Variants in SYN2 observed in about 807,000 individuals in gnomAD.
SYN2 encodes synapsin II, also known as synapsin-2.
In SYN2, 19 loss-of-function variants were observed where a neutral mutation model predicts 50.9. The observed-to-expected ratio is 0.37, with a 90% confidence interval of 0.26 to 0.55. SYN2 has a LOEUF of 0.55. SYN2 is among the 20% of genes least tolerant of loss of function. SYN2 has a pLI of 0.81. For synonymous variants in SYN2, 255 were observed against 224.9 expected (o/e 1.13, Z -1.20); for missense variants, 587 against 576.4 (o/e 1.02, Z -0.19).
chr3:12,156,745 C>T, intron 5 of SYN2: 1 of 1,227,786 alleles, frequency 8.1e-7, no homozygotes. Flanking sequence ...CAAGGAAGAC[C>T]CTGGCTCCTT....
chr3:12,121,953 C>T (rs1050605583), intron 1 of SYN2, among the ~76,000 whole-genome samples: 5 of 152,074 alleles, frequency 3.3e-5, no homozygotes, highest in African/African-American at 4.8e-5. Context: ...AGGCAGAATT[C>T]CTTCTTCTCT....
chr3:12,074,161 T>G lies in SYN2; in HGVS notation c.378-66490T>G, dbSNP rs944786588. Among the ~76,000 whole-genome samples, 15 of 152,170 alleles carry G rather than the reference T, an allele frequency of 9.9e-5. No individual in the cohort carries two copies. In the East Asian group the frequency reaches 2.9e-3, roughly 29 times the overall value. On this transcript the variant is annotated intron_variant, in intron 1 of 12. Coordinates refer to ENST00000621198, the MANE Select transcript of SYN2 (RefSeq NM_133625.6). Reference sequence around the variant, plus strand: ...GTTTTATCTATCATATAGTTTTGTCTAATTTTAGCCTGGTACATCTTTTTC... The same window carrying G: ...GTTTTATCTATCATATAGTTTTGTCGAATTTTAGCCTGGTACATCTTTTTC...
chr3:12,157,678 C>T (rs1398012910), intron 5 of SYN2, among the ~76,000 whole-genome samples: 1 of 152,168 alleles, frequency 6.6e-6, no homozygotes, highest in Non-Finnish European at 1.5e-5. Context: ...TTCCAAACCC[C>T]TCAGGCTTAT....
chr3:12,147,663 T>C (rs1697183800), intron 4 of SYN2, among the ~76,000 whole-genome samples: 2 of 152,178 alleles, frequency 1.3e-5, no homozygotes, highest in Non-Finnish European at 2.9e-5. Flanking sequence ...AGGGTGATCC[T>C]GCTATTAGCA....
chr3:12,033,230 C>G (rs1361550082), intron 1 of SYN2, among the ~76,000 whole-genome samples: 3 of 152,140 alleles, frequency 2.0e-5, no homozygotes. Context: ...AGGAGGCAGT[C>G]TGCCTGTTCT....
chr3:12,155,174 T>C (rs889022108), intron 5 of SYN2, among the ~76,000 whole-genome samples: 1 of 152,224 alleles, frequency 6.6e-6, no homozygotes, highest in Non-Finnish European at 1.5e-5. Context: ...CTCAATCATT[T>C]ACTCACTGAG....
intron 1 of SYN2, among the ~76,000 whole-genome samples, chr3:12,036,830 C>T (rs1395670695): frequency 6.6e-6 from 1 of 152,156 alleles, no homozygotes; most frequent in Non-Finnish European, 1.5e-5. Flanking sequence ...CCACATCTTT[C>T]CTTCTCCTTC....
chr3:12,012,472 T>G (rs1402538132), intron 1 of SYN2, among the ~76,000 whole-genome samples: 2 of 152,240 alleles, frequency 1.3e-5, no homozygotes, highest in Non-Finnish European at 2.9e-5. Context: ...AGCTTCTTTC[T>G]TAACATTCTT....
intron 1 of SYN2, among the ~76,000 whole-genome samples, chr3:12,020,662 G>C (rs1694114244): frequency 6.6e-6 from 1 of 151,970 alleles, no homozygotes; most frequent in Non-Finnish European, 1.5e-5. Flanking sequence ...TTAGAAACAG[G>C]CACCTAGATA....
At chr3:12,103,751 A>G (rs1204462160) in intron 1 of SYN2, among the ~76,000 whole-genome samples, 1 of 152,202 alleles carries the variant, frequency 6.6e-6, no homozygotes, top group African/African-American at 2.4e-5. Context: ...GCATGTATAA[A>G]ACTTCCAAAT....
At chr3:12,124,621 G>A (rs572864106) in intron 1 of SYN2, among the ~76,000 whole-genome samples, 14 of 151,922 alleles carry the variant, frequency 9.2e-5, no homozygotes, top group Admixed American at 2.0e-4. Context: ...AATAGGCCAG[G>A]GTTTTGTATA....
intron 1 of SYN2, among the ~76,000 whole-genome samples, chr3:12,055,328 CA>C (rs1401995751): frequency 6.6e-6 from 1 of 151,982 alleles, no homozygotes; most frequent in East Asian, 1.9e-4. Flanking sequence ...GAAAACACTA[CA>C]TAACGATATT....
chr3:12,133,440 TC>T (rs2125210979), intron 1 of SYN2, among the ~76,000 whole-genome samples: 1 of 152,350 alleles, frequency 6.6e-6, no homozygotes, highest in East Asian at 1.9e-4. Context: ...ATGTCTCTGT[TC>T]CAGAACATCT....
intron 1 of SYN2, among the ~76,000 whole-genome samples, chr3:12,112,128 G>A (rs1696331415): frequency 1.3e-5 from 2 of 152,252 alleles, no homozygotes; most frequent in East Asian, 3.9e-4. Flanking sequence ...GTAACCTAAG[G>A]AGAGGCTTAT....
chr3:12,092,647 G>A (rs576980742), intron 1 of SYN2, among the ~76,000 whole-genome samples: 2 of 152,274 alleles, frequency 1.3e-5, no homozygotes, highest in African/African-American at 4.8e-5. Flanking sequence ...CATTTCTCAT[G>A]CCTTATGTCT....
chr3:12,051,843 C>T (rs1329166911), intron 1 of SYN2, among the ~76,000 whole-genome samples: 2 of 152,200 alleles, frequency 1.3e-5, no homozygotes, highest in Admixed American at 6.5e-5. Flanking sequence ...GATCTCATTC[C>T]TTCATATGGA....
intron 1 of SYN2, among the ~76,000 whole-genome samples, chr3:12,060,622 A>G (rs1246443503): frequency 6.6e-6 from 1 of 152,162 alleles, no homozygotes; most frequent in African/African-American, 2.4e-5. Flanking sequence ...GTTATAACAC[A>G]CAGACTCTAT....
At chr3:12,045,193 G>C (rs1400950843) in intron 1 of SYN2, among the ~76,000 whole-genome samples, 2 of 152,100 alleles carry the variant, frequency 1.3e-5, no homozygotes, top group Non-Finnish European at 2.9e-5. Context: ...ATGTTTAAAG[G>C]GGGGTTTACT....
At chr3:12,011,830 T>C (rs1693916559) in intron 1 of SYN2, among the ~76,000 whole-genome samples, 2 of 152,222 alleles carry the variant, frequency 1.3e-5, no homozygotes, top group Non-Finnish European at 2.9e-5. Context: ...TTAGTTTCAT[T>C]ACCTGTAAAG....
Sources: allele counts gnomAD v4.1 joint callset (sites outside exome capture counted in the v4.1 genomes callset), GRCh38; gene constraint gnomAD v4.1.1; transcripts MANE v1.5; gene names NCBI Gene and HGNC (gene_info 2026-07-23, HGNC 2026-07-21).